Variants in DMD observed in about 807,000 individuals in gnomAD.
The protein encoded by DMD is dystrophin, also known as mutant dystrophin.
In DMD, 63 loss-of-function variants were observed where a neutral mutation model predicts 330.1. The ratio of observed to expected loss-of-function variants is 0.19; its 90% CI spans 0.16 to 0.24. The LOEUF is 0.24. Ranked by LOEUF, DMD falls within the 10% of genes least tolerant of loss-of-function variation. The pLI, the probability that DMD is intolerant of heterozygous loss-of-function variation, is 1.00. For missense variants in DMD, 3,344 were observed against 2,684.1 expected (o/e 1.25, Z -5.43); for synonymous variants, 1,223 against 959.8 (o/e 1.27, Z -5.07).
intron 48 of DMD, among the ~76,000 whole-genome samples, chrX:31,842,046 C>T (rs935113400): frequency 2.7e-5 from 3 of 111,838 alleles, no homozygotes; most frequent in African/African-American, 9.7e-5. Flanking sequence ...CTGGAAAGGA[C>T]TCACCATTCC....
At chrX:32,579,306 C>A (rs145951154) in intron 13 of DMD, among the ~76,000 whole-genome samples, 29 of 111,981 alleles carry the variant, frequency 2.6e-4, no homozygotes, top group African/African-American at 9.1e-4. Flanking sequence ...TTTAAATGAT[C>A]CTGTAATAAT....
rs778513542 is a variant in DMD at position 32,365,000 on chromosome X, C to T, written c.5025+20G>A. ...CTCGTGACAGAGAAGGGTGTAAAAG[C>T]TTCTAGCCTTTTCTCTTACCAACAA... On this transcript the variant is annotated intron_variant, in intron 35 of 78. Transcript: ENST00000357033. The T allele has an allele frequency of 8.3e-7, 1 of 1,208,070 alleles. No homozygotes were observed. The highest frequency in any genetic ancestry group is 1.1e-6 in the Non-Finnish European group (1 of 892,546).
At chrX:32,881,953 C>T (rs1360419214) in intron 2 of DMD, among the ~76,000 whole-genome samples, 1 of 112,423 alleles carries the variant, frequency 8.9e-6, no homozygotes, top group Admixed American at 9.4e-5. Flanking sequence ...CTCATTCACA[C>T]TAGCTTCCCA....
At chrX:33,154,738 T>C (rs1464520355) in intron 1 of DMD, among the ~76,000 whole-genome samples, 1 of 111,565 alleles carries the variant, frequency 9.0e-6, no homozygotes, top group Admixed American at 9.6e-5. Flanking sequence ...ACATAAACTC[T>C]ATTCATGGGG....
intron 29 of DMD, among the ~76,000 whole-genome samples, chrX:32,413,743 C>T (rs1024806428): frequency 8.5e-5 from 7 of 82,401 alleles, no homozygotes; most frequent in African/African-American, 3.1e-4. Context: ...GAGATGGAGG[C>T]GGAGTCTCTC....
At chrX:32,455,057 C>T (rs1017091410) in intron 25 of DMD, among the ~76,000 whole-genome samples, 1 of 110,688 alleles carries the variant, frequency 9.0e-6, no homozygotes, top group Non-Finnish European at 1.9e-5. Context: ...ATAAAATGAA[C>T]GTATTGCCCG....
At chrX:32,935,946 G>A (rs2089987227) in intron 2 of DMD, among the ~76,000 whole-genome samples, 1 of 111,202 alleles carries the variant, frequency 9.0e-6, no homozygotes, top group African/African-American at 3.3e-5. Flanking sequence ...ATCCGTGGGG[G>A]TGGACATAGG....
chrX:31,212,746 T>G (rs2044871890), intron 64 of DMD, among the ~76,000 whole-genome samples: 1 of 111,269 alleles, frequency 9.0e-6, no homozygotes, highest in Admixed American at 9.6e-5. Flanking sequence ...TATGGCAGGA[T>G]ATCTAGGTTT....
chrX:31,356,232 T>C (rs1276926555), intron 60 of DMD, among the ~76,000 whole-genome samples: 1 of 111,922 alleles, frequency 8.9e-6, no homozygotes, highest in Non-Finnish European at 1.9e-5. Flanking sequence ...GCATTGATAC[T>C]AATGCCGTGC....
At chrX:32,182,456 A>T (rs1379479904) in intron 44 of DMD, among the ~76,000 whole-genome samples, 1 of 111,559 alleles carries the variant, frequency 9.0e-6, no homozygotes, top group Non-Finnish European at 1.9e-5. Flanking sequence ...GTGCCTCATG[A>T]ACAAACTTCA....
intron 60 of DMD, among the ~76,000 whole-genome samples, chrX:31,381,522 A>G (rs1006907839): frequency 9.0e-6 from 1 of 111,383 alleles, no homozygotes; most frequent in African/African-American, 3.3e-5. Context: ...CTCTTTGTTG[A>G]GTCTCCCACA....
In DMD at chrX:32,581,125, C is replaced by T. The variant is rs956367393; in HGVS notation, c.1603-7279G>A. On this transcript the variant is annotated intron_variant, in intron 13 of 78. Transcript: ENST00000357033. ...GCAGGCGTGAGCCACTGAGCACGGGCTCCAAAAGGTATCTTATTTGAAAGC... is the reference window on the plus strand; with the variant it reads ...GCAGGCGTGAGCCACTGAGCACGGGTTCCAAAAGGTATCTTATTTGAAAGC... 2.7e-5 allele frequency among the ~76,000 whole-genome samples: 3 copies of T among 112,409 alleles called. No individual in the cohort carries two copies. The Admixed American group carries it at 2.8e-4, about 11-fold the overall frequency.
chrX:33,174,946 T>C (rs1048783510), intron 1 of DMD, among the ~76,000 whole-genome samples: 1 of 111,861 alleles, frequency 8.9e-6, no homozygotes, highest in Non-Finnish European at 1.9e-5. Context: ...TAGATGTCTA[T>C]TGCAATGCAG....
chrX:33,201,468 A>G (rs1273804964), intron 1 of DMD, among the ~76,000 whole-genome samples: 2 of 111,195 alleles, frequency 1.8e-5, no homozygotes, highest in Non-Finnish European at 3.8e-5. Flanking sequence ...GAGAATGCCA[A>G]TGTTGACGTT....
At chrX:32,289,496 A>G (rs62591917) in intron 42 of DMD, among the ~76,000 whole-genome samples, 14,560 of 110,403 alleles carry the variant, frequency 0.13, 955 homozygotes, top group Admixed American at 0.26. Context: ...ACTGGGCTGC[A>G]TTCCCAGGAG....
chrX:32,820,956 G>A (rs1236860573), intron 5 of DMD, among the ~76,000 whole-genome samples: 1 of 111,498 alleles, frequency 9.0e-6, no homozygotes. Context: ...GAGAAGTACT[G>A]AGCAACATAT....
chrX:31,346,561 C>T (rs1342746458), intron 61 of DMD, among the ~76,000 whole-genome samples: 1 of 111,119 alleles, frequency 9.0e-6, no homozygotes, highest in African/African-American at 3.3e-5. Flanking sequence ...AAAACAGGTG[C>T]TTGCCAATTT....
intron 27 of DMD, among the ~76,000 whole-genome samples, chrX:32,445,008 C>T: frequency 9.0e-6 from 1 of 111,077 alleles, no homozygotes; most frequent in South Asian, 3.7e-4. Context: ...CCCATAGGCT[C>T]TGAGTTGAGA....
At chrX:32,201,469 A>AAC (rs2097037261) in intron 44 of DMD, among the ~76,000 whole-genome samples, 62 of 48,392 alleles carry the variant, frequency 1.3e-3, no homozygotes, top group Non-Finnish European at 1.5e-3. Flanking sequence ...AAATTCAAAC[A>AAC]CCCCCCCCCC....
Sources: gnomAD v4.1 joint callset for allele counts (sites outside exome capture counted in the v4.1 genomes callset) on GRCh38, gnomAD v4.1.1 for gene constraint, MANE v1.5 for transcripts, NCBI Gene and HGNC (gene_info 2026-07-23, HGNC 2026-07-21) for gene names.